Variants in RGL1 observed in about 807,000 individuals in gnomAD.
RGL1 encodes ral guanine nucleotide dissociation stimulator like 1.
A neutral mutation model predicts 95.2 loss-of-function variants in RGL1; 24 were observed. That is an observed-to-expected ratio of 0.25 (90% CI 0.18 to 0.35). The LOEUF (loss-of-function observed/expected upper bound fraction) is 0.35. RGL1 is among the 10% of genes least tolerant of loss of function. The probability of loss-of-function intolerance (pLI) is 1.00; values close to 1 mark genes in which losing one functional copy is unlikely to be tolerated. For missense variants in RGL1, 715 were observed against 936.3 expected (o/e 0.76, Z 3.08); for synonymous variants, 329 against 344.9 (o/e 0.95, Z 0.51).
intron 11 of RGL1, 68 bp from the exon 12 acceptor site, chr1:183,902,500 T>C (rs1668086342): frequency 1.5e-6 from 2 of 1,360,744 alleles, no homozygotes; most frequent in Admixed American, 2.0e-5. Context: ...TAATGTGACC[T>C]ACGACAACAT....
At chr1:183,746,314 T>TTA (rs1657621795) in intron 2 of RGL1, among the ~76,000 whole-genome samples, 1 of 152,006 alleles carries the variant, frequency 6.6e-6, no homozygotes, top group Non-Finnish European at 1.5e-5. Context: ...TACTGTTGAG[T>TTA]TATACACACA....
At chr1:183,884,148 G>A (rs1430549512) in intron 6 of RGL1, among the ~76,000 whole-genome samples, 1 of 152,196 alleles carries the variant, frequency 6.6e-6, no homozygotes, top group Non-Finnish European at 1.5e-5. Flanking sequence ...AAGACACAGA[G>A]GGAAATAAGA....
Position 183,841,793 on chromosome 1 carries a change from T to C in RGL1, c.139-5773T>C, listed in dbSNP as rs1194661287. 2.6e-5 allele frequency among the ~76,000 whole-genome samples: 4 copies of C among 152,164 alleles called. No individual in the cohort carries two copies. In the East Asian group the frequency reaches 7.7e-4, roughly 29 times the overall value. On this transcript the variant is annotated intron_variant, in intron 2 of 17. Coordinates refer to ENST00000360851, the MANE Select transcript of RGL1 (RefSeq NM_001297671.3). ...ATATGGAGAGATGAGCAGAGCTTAT[T>C]TGTGAGTCAGCTTGTGGGTTTTCCT...
At chr1:183,847,873 GAT>G in intron 3 of RGL1, 99 bp downstream of exon 3, 1 of 849,256 alleles carries the variant, frequency 1.2e-6, no homozygotes, top group Non-Finnish European at 1.9e-6. Context: ...TTCGGAGAGA[GAT>G]ATGTGAGGAA....
intron 1 of RGL1, among the ~76,000 whole-genome samples, chr1:183,703,355 G>A (rs1654716497): frequency 6.6e-6 from 1 of 152,162 alleles, no homozygotes; most frequent in Admixed American, 6.5e-5. Context: ...GGATTGTCTG[G>A]TGGTTAACTA....
intron 1 of RGL1, among the ~76,000 whole-genome samples, chr1:183,710,407 G>A (rs754825812): frequency 6.6e-6 from 1 of 152,180 alleles, no homozygotes; most frequent in African/African-American, 2.4e-5. Context: ...TGGTAAGGGG[G>A]AAGGTTATCA....
chr1:183,914,932 CT>C (rs750016138), intron 15 of RGL1, among the ~76,000 whole-genome samples: 40 of 152,192 alleles, frequency 2.6e-4, no homozygotes, highest in Non-Finnish European at 5.3e-4. Context: ...ATGCTATTAA[CT>C]TATCTATCAT....
chr1:183,636,175 C>T (rs920431361), exon 1 of RGL1: 12 of 399,672 alleles, frequency 3.0e-5, no homozygotes, highest in Non-Finnish European at 4.4e-5. Flanking sequence ...AACGACCTAT[C>T]ATCGGGGTCC....
At chr1:183,836,375 C>T (rs981816055) in intron 2 of RGL1, among the ~76,000 whole-genome samples, 13 of 151,928 alleles carry the variant, frequency 8.6e-5, no homozygotes, top group East Asian at 7.7e-4. Flanking sequence ...CTCAGCTTCC[C>T]GAGTAGCTGG....
intron 3 of RGL1, among the ~76,000 whole-genome samples, chr1:183,862,938 G>A (rs550686270): frequency 7.2e-5 from 11 of 152,324 alleles, no homozygotes; most frequent in Middle Eastern, 3.4e-3. Flanking sequence ...AAGCCATAGA[G>A]AAAAATAAAG....
At chr1:183,671,097 A>G (rs1652417542) in intron 1 of RGL1, among the ~76,000 whole-genome samples, 1 of 152,204 alleles carries the variant, frequency 6.6e-6, no homozygotes, top group Non-Finnish European at 1.5e-5. Flanking sequence ...AAGGAGGAAG[A>G]GCCCCTTATA....
intron 1 of RGL1, among the ~76,000 whole-genome samples, chr1:183,695,715 A>AATTT (rs1654211163): frequency 6.6e-6 from 1 of 152,238 alleles, no homozygotes; most frequent in Non-Finnish European, 1.5e-5. Flanking sequence ...TTTTAGCATG[A>AATTT]ATTTATTTCA....
At chr1:183,640,694 C>G (rs1447882441) in intron 1 of RGL1, among the ~76,000 whole-genome samples, 3 of 151,968 alleles carry the variant, frequency 2.0e-5, no homozygotes, top group Non-Finnish European at 4.4e-5. Context: ...TGCTAACAGT[C>G]GTTTTAAGGT....
At chr1:183,759,161 T>C (rs1436455090) in intron 2 of RGL1, among the ~76,000 whole-genome samples, 1 of 152,120 alleles carries the variant, frequency 6.6e-6, no homozygotes, top group African/African-American at 2.4e-5. Flanking sequence ...GTTATTACAC[T>C]TGCAGGTCCT....
At chr1:183,819,782 TA>T (rs1277960717) in intron 2 of RGL1, among the ~76,000 whole-genome samples, 1 of 142,190 alleles carries the variant, frequency 7.0e-6, no homozygotes, top group Non-Finnish European at 1.6e-5. Context: ...AGCAACATTA[TA>T]CTTTTTTTTT....
chr1:183,658,153 A>G (rs1474488063), intron 1 of RGL1, among the ~76,000 whole-genome samples: 4 of 152,228 alleles, frequency 2.6e-5, no homozygotes, highest in African/African-American at 9.6e-5. Context: ...TGATTTCTGC[A>G]TTTCCATCTG....
chr1:183,870,310 GGC>G (rs1304588195), intron 4 of RGL1, among the ~76,000 whole-genome samples: 1 of 149,828 alleles, frequency 6.7e-6, no homozygotes, highest in Non-Finnish European at 1.5e-5. Context: ...GGTGTCTTCC[GGC>G]CAGGGTAGTT....
intron 1 of RGL1, among the ~76,000 whole-genome samples, chr1:183,661,145 G>C (rs1651591162): frequency 6.6e-6 from 1 of 152,090 alleles, no homozygotes; most frequent in Non-Finnish European, 1.5e-5. Flanking sequence ...ACAATTAAAA[G>C]AACTAGAAAA....
chr1:183,872,885 C>G (rs945077029), intron 4 of RGL1, among the ~76,000 whole-genome samples: 1 of 152,050 alleles, frequency 6.6e-6, no homozygotes, highest in Admixed American at 6.5e-5. Flanking sequence ...ATTTAAAACT[C>G]CAATTTAGAA....
Sources: allele counts gnomAD v4.1 joint callset (sites outside exome capture counted in the v4.1 genomes callset), GRCh38; gene constraint gnomAD v4.1.1; transcripts MANE v1.5; gene names NCBI Gene and HGNC (gene_info 2026-07-23, HGNC 2026-07-21).